Variants in HIPK2 observed in about 807,000 individuals in gnomAD.
HIPK2 encodes homeodomain-interacting protein kinase 2.
In HIPK2, 27 loss-of-function variants were observed where a neutral mutation model predicts 113.7. The ratio of observed to expected loss-of-function variants is 0.24; its 90% CI spans 0.17 to 0.33. The LOEUF (loss-of-function observed/expected upper bound fraction) is 0.33, where lower values mean the gene tolerates loss of function less well. Among genes scored for constraint, HIPK2 ranks in the 10% least tolerant of loss-of-function variants. The probability of loss-of-function intolerance (pLI) is 1.00; values close to 1 mark genes in which losing one functional copy is unlikely to be tolerated. For synonymous variants in HIPK2, 631 were observed against 642.2 expected (o/e 0.98, Z 0.26); for missense variants, 1,257 against 1,588.0 (o/e 0.79, Z 3.54).
rs1017429940 is a variant in HIPK2, at chr7:139,703,513, C to A, written c.1103+12419G>T. Among the ~76,000 whole-genome samples, 398 of 152,062 alleles carry A rather than the reference C, an allele frequency of 2.6e-3. 2 individuals carry two copies. Among genetic ancestry groups the A allele is most frequent in the African/African-American group, 9.0e-3 (373 of 41,438 alleles). On this transcript the variant is annotated intron_variant, in intron 2 of 14. Transcript: ENST00000406875. Reference sequence around the variant, plus strand: ...CAACAGTTTGTCCCTCATGTTCTGGCCAAATAAATTTTATGGCAAACGTCC... The same window carrying A: ...CAACAGTTTGTCCCTCATGTTCTGGACAAATAAATTTTATGGCAAACGTCC...
intron 1 of HIPK2, among the ~76,000 whole-genome samples, chr7:139,736,375 C>T (rs1174067359): frequency 6.6e-6 from 1 of 152,200 alleles, no homozygotes; most frequent in Non-Finnish European, 1.5e-5. Flanking sequence ...GACAGAGGGG[C>T]CAATGCCCTG....
chr7:139,669,405 G>A (rs904911728), intron 2 of HIPK2, among the ~76,000 whole-genome samples: 4 of 152,156 alleles, frequency 2.6e-5, no homozygotes, highest in Admixed American at 6.5e-5. Context: ...TAATAAGCCC[G>A]TTTTTTCTTT....
At position 139,566,119 on chromosome 7, in the gene HIPK2, C is replaced by T. The variant is rs1052981006; in HGVS notation, c.*6808G>A. 1.3e-5 allele frequency: 2 copies of T among 152,132 alleles called. No homozygotes were observed. The highest frequency in any genetic ancestry group is 4.8e-5 in the African/African-American group (2 of 41,402). The allele number at this position is 152,132 out of a possible 1,614,324, so 9.4% of individuals were successfully genotyped here. A position where few individuals can be genotyped will look rare whatever the true frequency, so the allele number is the denominator to read the frequency against. Reference sequence around the variant, plus strand: ...CTCTAAAAATCAAACGAATTCTGCCCCTTTTGCCTAAATCCAACTCAGGAG... The same window carrying T: ...CTCTAAAAATCAAACGAATTCTGCCTCTTTTGCCTAAATCCAACTCAGGAG... On this transcript the variant is annotated 3_prime_UTR_variant, in exon 15 of 15. Transcript: ENST00000406875. This position sits in a 1 kb window ranked among gnomAD's most constrained non-coding sequence, Gnocchi z 4.1.
chr7:139,696,369 T>C (rs1183243006), intron 2 of HIPK2, among the ~76,000 whole-genome samples: 1 of 151,814 alleles, frequency 6.6e-6, no homozygotes, highest in Non-Finnish European at 1.5e-5. Flanking sequence ...GGCCAGGAGT[T>C]TGAGACAAGT....
intron 9 of HIPK2, 187 bp from the exon 10 acceptor site, chr7:139,604,410 A>G (rs1174261966): frequency 9.3e-6 from 3 of 322,370 alleles, no homozygotes; most frequent in Admixed American, 6.5e-5. Flanking sequence ...GGCCGGGTGC[A>G]GTGGCTCACG....
Position 139,563,791 on chromosome 7 carries a change from A to AT in HIPK2, c.*9135dup, listed in dbSNP as rs1341673345. The AT allele has an allele frequency of 5.0e-6, 2 of 398,400 alleles. No homozygotes were observed. The highest frequency in any genetic ancestry group is 2.1e-5 in the African/African-American group (1 of 48,588). 24.7% of individuals were successfully genotyped at this position (398,400 alleles called of 1,614,324 possible). A position where few individuals can be genotyped will look rare whatever the true frequency, so the allele number is the denominator to read the frequency against. On this transcript the variant is annotated 3_prime_UTR_variant, in exon 15 of 15. Transcript: ENST00000406875. ...AAAAGCAAATGTGGTATTTTTTTGT[A>AT]TTTTTTAAAAGCTCCCTGGTCCCAG...
intron 2 of HIPK2, among the ~76,000 whole-genome samples, chr7:139,642,335 A>C (rs746964659): frequency 4.6e-5 from 7 of 152,246 alleles, no homozygotes; most frequent in Non-Finnish European, 5.9e-5. Context: ...CACAGGACCC[A>C]AGAAACAGTG....
chr7:139,645,687 G>T (rs1171489522), intron 2 of HIPK2, among the ~76,000 whole-genome samples: 1 of 152,172 alleles, frequency 6.6e-6, no homozygotes, highest in East Asian at 1.9e-4. Flanking sequence ...GGTGGATGAG[G>T]CTGGCCTTGC....
chr7:139,726,836 C>T lies in HIPK2; in HGVS notation c.20-9821G>A, dbSNP rs114179431. On this transcript the variant is annotated intron_variant, in intron 1 of 14. Coordinates refer to ENST00000406875, the MANE Select transcript of HIPK2 (RefSeq NM_022740.5). ...GGGACACAGCCAAAAGACCAGAAGGCCAGAATGAGAAATAGCAAATGGGAA... is the reference window on the plus strand; with the variant it reads ...GGGACACAGCCAAAAGACCAGAAGGTCAGAATGAGAAATAGCAAATGGGAA... Among the ~76,000 whole-genome samples, 795 of 152,122 alleles carry T rather than the reference C, an allele frequency of 5.2e-3. 5 individuals carry two copies. The highest frequency in any genetic ancestry group is 0.018 in the African/African-American group (755 of 41,474).
At chr7:139,747,736 T>G (rs1048166690) in intron 1 of HIPK2, among the ~76,000 whole-genome samples, 13 of 152,346 alleles carry the variant, frequency 8.5e-5, no homozygotes, top group South Asian at 6.2e-4. Context: ...CCACTGGATA[T>G]CCAGGCACCC....
chr7:139,758,254 T>G (rs149657677), intron 1 of HIPK2, among the ~76,000 whole-genome samples: 3 of 152,242 alleles, frequency 2.0e-5, no homozygotes, highest in Admixed American at 2.0e-4. Flanking sequence ...AAAGATGATA[T>G]AAATTTCAAA....
In HIPK2 at chr7:139,726,444, G is replaced by T. The variant is rs370474058; in HGVS notation, c.20-9429C>A. ...CATTTGGGGTGCCAGAAGGAGTGGG[G>T]CTCCACGAGTGAGAAGGAAGATGGG... On this transcript the variant is annotated intron_variant, in intron 1 of 14. Coordinates refer to ENST00000406875, the MANE Select transcript of HIPK2 (RefSeq NM_022740.5). Among the ~76,000 whole-genome samples the T allele has an allele frequency of 7.9e-5, 12 of 152,332 alleles. No homozygotes were observed. The East Asian group carries it at 2.3e-3, about 29-fold the overall frequency.
rs1162484331 is a variant in HIPK2 at position 139,564,968 on chromosome 7, G to A, written c.*7959C>T. 6.6e-6 allele frequency: 1 copy of A among 152,066 alleles called. No individual in the cohort carries two copies. The highest frequency in any genetic ancestry group is 1.5e-5 in the Non-Finnish European group (1 of 68,028). 9.4% of individuals were successfully genotyped at this position (152,066 alleles called of 1,614,324 possible). A position where few individuals can be genotyped will look rare whatever the true frequency, so the allele number is the denominator to read the frequency against. On this transcript the variant is annotated 3_prime_UTR_variant, in exon 15 of 15. Transcript: ENST00000406875. ...CACACAAAGAATAATCTCTTCCTTGGTTTAATTTTTGTTGTAAAGATGAGC... is the reference window on the plus strand; with the variant it reads ...CACACAAAGAATAATCTCTTCCTTGATTTAATTTTTGTTGTAAAGATGAGC...
At chr7:139,694,648 T>G (rs1794514007) in intron 2 of HIPK2, among the ~76,000 whole-genome samples, 1 of 152,136 alleles carries the variant, frequency 6.6e-6, no homozygotes, top group Admixed American at 6.6e-5. Flanking sequence ...GTGCGCATGG[T>G]CCATGGTCAC....
intron 1 of HIPK2, among the ~76,000 whole-genome samples, chr7:139,764,192 T>C (rs1432347010): frequency 6.6e-6 from 1 of 152,230 alleles, no homozygotes; most frequent in Non-Finnish European, 1.5e-5. Context: ...TGTAATGCTA[T>C]ACCAACGTAC....
chr7:139,589,324 C>T (rs981472662), intron 12 of HIPK2, among the ~76,000 whole-genome samples: 2 of 151,884 alleles, frequency 1.3e-5, no homozygotes, highest in African/African-American at 4.8e-5. Context: ...GCAGATGTAC[C>T]TTACCTATAG....
At chr7:139,677,260 G>C (rs202166897) in intron 2 of HIPK2, among the ~76,000 whole-genome samples, 1 of 149,994 alleles carries the variant, frequency 6.7e-6, no homozygotes, top group African/African-American at 2.5e-5. Context: ...TATATATGGA[G>C]ACACACACAC....
chr7:139,596,961 T>C lies in HIPK2; in HGVS notation c.2473A>G (p.Ile825Val), dbSNP rs199969137. 2.7e-5 allele frequency: 44 copies of C among 1,605,856 alleles called. No individual in the cohort carries two copies. Among genetic ancestry groups the C allele is most frequent in the Admixed American group, 6.7e-5 (4 of 59,876 alleles). Reference protein sequence around the residue: ...STCEVSSSQAISSPQRSKRVK... With the variant: ...STCEVSSSQAVSSPQRSKRVK... The stretch of plus-strand genomic sequence containing the variant: ...CGCTTGGATCGCTGTGGGGAGCTGA[T>C]GGCCTGAGAGGAGGACACCTCACAG... Residue 825 changes from isoleucine (I) to valine (V), a missense_variant, in exon 12 of 15, where the codon ATC becomes GTC. By Grantham distance (29) the Ile-to-Val change is conservative. This residue lies in a region of HIPK2 where 862 missense variants were observed against 1,004.3 expected (regional missense o/e 0.86). Coordinates refer to ENST00000406875, the MANE Select transcript of HIPK2 (RefSeq NM_022740.5).
At chr7:139,738,009 T>C (rs1182233542) in intron 1 of HIPK2, among the ~76,000 whole-genome samples, 2 of 152,134 alleles carry the variant, frequency 1.3e-5, no homozygotes, top group Non-Finnish European at 2.9e-5. Context: ...CATCTGCACA[T>C]GAGTTAGAGA....
Sources: allele counts gnomAD v4.1 joint callset (sites outside exome capture counted in the v4.1 genomes callset), GRCh38; gene constraint gnomAD v4.1.1; regional missense constraint gnomAD v4.1.1; non-coding constraint Gnocchi (gnomAD v3.1); transcripts MANE v1.5; gene names NCBI Gene and HGNC (gene_info 2026-07-23, HGNC 2026-07-21).